Variants in PPP2R2B observed in about 807,000 individuals in gnomAD.
PPP2R2B encodes serine/threonine-protein phosphatase 2A 55 kDa regulatory subunit B beta isoform.
PPP2R2B carries 5 observed loss-of-function variants against 46.0 expected under a neutral mutation model. That is an observed-to-expected ratio of 0.11 (90% CI 0.06 to 0.23). The LOEUF (loss-of-function observed/expected upper bound fraction) is 0.23, where lower values mean the gene tolerates loss of function less well. Among genes scored for constraint, PPP2R2B ranks in the 10% least tolerant of loss-of-function variants. The pLI is 1.00. For missense variants in PPP2R2B, 367 were observed against 575.0 expected (o/e 0.64, Z 3.70); for synonymous variants, 215 against 206.7 (o/e 1.04, Z -0.34).
chr5:146,625,080 C>T lies in PPP2R2B; in HGVS notation c.790+13171G>A, dbSNP rs114119550. The stretch of plus-strand genomic sequence containing the variant: ...GACATGTGAAGCAACAATAAACATT[C>T]GTTGAATAAATAAGTAGCAGTTGAT... On this transcript the variant is annotated intron_variant, in intron 7 of 9. Transcript: ENST00000394411. Among the ~76,000 whole-genome samples the T allele has an allele frequency of 7.9e-3, 1,199 of 152,342 alleles. 23 individuals carry two copies. The highest frequency in any genetic ancestry group is 0.025 in the African/African-American group (1,034 of 41,568).
chr5:147,002,717 A>C (rs1236519794), intron 1 of PPP2R2B, among the ~76,000 whole-genome samples: 1 of 148,600 alleles, frequency 6.7e-6, no homozygotes, highest in Non-Finnish European at 1.5e-5. Context: ...AACTCTTCTG[A>C]TCACCAGGGT....
At chr5:146,706,170 G>A (rs919781769) in intron 2 of PPP2R2B, among the ~76,000 whole-genome samples, 4 of 152,106 alleles carry the variant, frequency 2.6e-5, no homozygotes, top group African/African-American at 9.7e-5. Flanking sequence ...TGGGGCAGCC[G>A]TAGGAGGGGC....
intron 7 of PPP2R2B, among the ~76,000 whole-genome samples, chr5:146,605,344 C>T (rs1772163729): frequency 6.6e-6 from 1 of 152,156 alleles, no homozygotes; most frequent in Non-Finnish European, 1.5e-5. Flanking sequence ...CTACCAGGTC[C>T]CTCCCAGCTG....
At chr5:146,976,650 TTTCTAGATGTTCTA>T (rs1752920456) in intron 1 of PPP2R2B, among the ~76,000 whole-genome samples, 1 of 152,230 alleles carries the variant, frequency 6.6e-6, no homozygotes, top group African/African-American at 2.4e-5. Flanking sequence ...TATGTATATA[TTTCTAGATGTTCTA>T]TTCTATTCCA....
At chr5:147,043,161 A>G (rs1756393653) in intron 1 of PPP2R2B, among the ~76,000 whole-genome samples, 1 of 152,022 alleles carries the variant, frequency 6.6e-6, no homozygotes, top group South Asian at 2.1e-4. Context: ...TGAACTCCTG[A>G]AGACAACCTA....
At chr5:146,630,481 G>C (rs550953858) in intron 7 of PPP2R2B, among the ~76,000 whole-genome samples, 1 of 152,162 alleles carries the variant, frequency 6.6e-6, no homozygotes, top group Admixed American at 6.5e-5. Flanking sequence ...AAGAGCTACA[G>C]GTGGTCTGGC....
chr5:146,594,601 C>A lies in PPP2R2B; in HGVS notation c.961-1539G>T, dbSNP rs75426067. Reference sequence around the variant, plus strand: ...AGCCATCTTATGATGTAGGTACTTTCATTCTCTTTACTTTAATGGAGCATG... The same window carrying A: ...AGCCATCTTATGATGTAGGTACTTTAATTCTCTTTACTTTAATGGAGCATG... On this transcript the variant is annotated intron_variant, in intron 8 of 9. Transcript: ENST00000394411. Among the ~76,000 whole-genome samples the A allele has an allele frequency of 3.3e-3, 496 of 152,320 alleles. 4 individuals carry two copies. Among genetic ancestry groups the A allele is most frequent in the African/African-American group, 0.011 (478 of 41,576 alleles).
intron 2 of PPP2R2B, among the ~76,000 whole-genome samples, chr5:146,795,097 G>A (rs1370863831): frequency 6.6e-6 from 1 of 151,990 alleles, no homozygotes; most frequent in Non-Finnish European, 1.5e-5. Context: ...GTCATAAGCA[G>A]GTTATCAGTT....
chr5:146,751,064 C>T (rs1297464840), intron 2 of PPP2R2B, among the ~76,000 whole-genome samples: 1 of 152,184 alleles, frequency 6.6e-6, no homozygotes, highest in Non-Finnish European at 1.5e-5. Context: ...AGTGGATTTA[C>T]ACAGCAACTC....
chr5:146,809,307 A>G (rs557530076), intron 2 of PPP2R2B, among the ~76,000 whole-genome samples: 37 of 152,172 alleles, frequency 2.4e-4, no homozygotes, highest in Non-Finnish European at 4.3e-4. Context: ...GTATTAATAA[A>G]TAATAGTTAT....
At chr5:146,595,191 T>C (rs1475856054) in intron 8 of PPP2R2B, among the ~76,000 whole-genome samples, 1 of 152,198 alleles carries the variant, frequency 6.6e-6, no homozygotes, top group Non-Finnish European at 1.5e-5. Context: ...ACAGCAGTGC[T>C]CTTGGCATTG....
Position 146,592,961 on chromosome 5 carries a change from C to T in PPP2R2B, c.1052+10G>A, listed in dbSNP as rs765511385. 1.8e-5 allele frequency: 28 copies of T among 1,597,636 alleles called. No homozygotes were observed. Among genetic ancestry groups the T allele is most frequent in the Admixed American group, 8.3e-5 (5 of 59,988 alleles). On this transcript the variant is annotated intron_variant, in intron 9 of 9. Transcript: ENST00000394411. ...TTTGGAAGGTTCTTCAGCCACAGAG[C>T]CTTTCTTACCTGTCTGACCCATTCC...
At position 146,878,067 on chromosome 5, in the gene PPP2R2B, T is replaced by G; in HGVS notation, c.5A>C (p.Glu2Ala). The G allele has an allele frequency of 6.2e-7, 1 of 1,614,030 alleles. No homozygotes were observed. The highest frequency in any genetic ancestry group is 8.5e-7 in the Non-Finnish European group (1 of 1,179,990). Residue 2 changes from glutamate (E) to alanine (A), a missense_variant, in exon 2 of 10, where the codon GAG becomes GCG. Physicochemically the swap from Glu to Ala is moderately radical, Grantham distance 107 (BLOSUM62 -1). This residue lies in a region of PPP2R2B where 361 missense variants were observed against 545.5 expected (regional missense o/e 0.66). Transcript: ENST00000394411. The surrounding 1 kb of genome is among the most constrained non-coding windows in gnomAD (Gnocchi z 4.5). Reference protein sequence around the residue: MEEDIDTRKINN... With the variant: MAEDIDTRKINN... ...GATTTTGCGGGTATCAATGTCCTCC[T>G]CCATTGACAGCAGGCTTACTTGCGT...
At chr5:146,699,661 G>GTTTTTT (rs11388336) in intron 3 of PPP2R2B, among the ~76,000 whole-genome samples, 58 of 118,054 alleles carry the variant, frequency 4.9e-4, no homozygotes, top group African/African-American at 1.8e-3. Flanking sequence ...AACTTAATTG[G>GTTTTTT]TTTTTTTTTT....
intron 9 of PPP2R2B, among the ~76,000 whole-genome samples, chr5:146,590,844 T>G (rs1195096270): frequency 1.3e-5 from 2 of 152,252 alleles, no homozygotes; most frequent in African/African-American, 4.8e-5. Flanking sequence ...CATGGTCTTA[T>G]CTAGGAAACA....
chr5:146,777,440 A>T (rs893762102), intron 2 of PPP2R2B, among the ~76,000 whole-genome samples: 15 of 152,182 alleles, frequency 9.9e-5, no homozygotes, highest in Admixed American at 3.3e-4. Flanking sequence ...GATAGAATAT[A>T]TAGTAGAGGT....
At chr5:147,038,776 C>T (rs986711991) in intron 1 of PPP2R2B, among the ~76,000 whole-genome samples, 2 of 152,114 alleles carry the variant, frequency 1.3e-5, no homozygotes, top group African/African-American at 4.8e-5. Context: ...AGTTGCTCAA[C>T]GTCACTTAGC....
At position 146,717,456 on chromosome 5, in the gene PPP2R2B, T is replaced by C. The variant is rs1018708522; in HGVS notation, c.71-16314A>G. 2.0e-5 allele frequency among the ~76,000 whole-genome samples: 3 copies of C among 152,238 alleles called. No homozygotes were observed. In the South Asian group the frequency reaches 6.2e-4, roughly 31 times the overall value. ...ACACACCATAGCAGGTTTCTAGCAC[T>C]GACTGTGATGCATTGCTTTCTGCAA... On this transcript the variant is annotated intron_variant, in intron 2 of 9. Transcript: ENST00000394411.
chr5:146,973,226 A>G (rs1251483144), intron 1 of PPP2R2B, among the ~76,000 whole-genome samples: 3 of 152,064 alleles, frequency 2.0e-5, no homozygotes, highest in Non-Finnish European at 4.4e-5. Context: ...ATTTTCCATT[A>G]TTTTATCGAT....
Sources: gnomAD v4.1 joint callset for allele counts (sites outside exome capture counted in the v4.1 genomes callset) on GRCh38, gnomAD v4.1.1 for gene constraint, gnomAD v4.1.1 regional missense constraint, Gnocchi (gnomAD v3.1) non-coding constraint, MANE v1.5 for transcripts, NCBI Gene and HGNC (gene_info 2026-07-23, HGNC 2026-07-21) for gene names.